Variants in CCBE1 observed in about 807,000 individuals in gnomAD.
CCBE1 encodes the protein collagen and calcium-binding EGF domain-containing protein 1.
In CCBE1, 37 loss-of-function variants were observed where a neutral mutation model predicts 50.0. The observed-to-expected ratio is 0.74, with a 90% CI of 0.57 to 0.97. CCBE1 has a LOEUF of 0.97. CCBE1 is among the 50% of genes least tolerant of loss of function. The pLI, the probability that CCBE1 is intolerant of heterozygous loss-of-function variation, is 0.00. For missense variants in CCBE1, 538 were observed against 523.8 expected (o/e 1.03, Z -0.26); for synonymous variants, 234 against 203.7 (o/e 1.15, Z -1.27).
intron 2 of CCBE1, among the ~76,000 whole-genome samples, chr18:59,598,388 G>A (rs1355783786): frequency 6.6e-6 from 1 of 152,276 alleles, no homozygotes; most frequent in East Asian, 1.9e-4. Flanking sequence ...GTCTGCACCA[G>A]CCACATGTGC....
chr18:59,592,929 A>T (rs1240457811), intron 2 of CCBE1, among the ~76,000 whole-genome samples: 1 of 152,218 alleles, frequency 6.6e-6, no homozygotes, highest in African/African-American at 2.4e-5. Flanking sequence ...AAAAGGAAGG[A>T]AACCTGCAGA....
chr18:59,459,894 G>A (rs1290308417), intron 5 of CCBE1, among the ~76,000 whole-genome samples: 1 of 152,182 alleles, frequency 6.6e-6, no homozygotes, highest in Non-Finnish European at 1.5e-5. Flanking sequence ...GAGAACCGCT[G>A]ATCTATGGAT....
intron 2 of CCBE1, among the ~76,000 whole-genome samples, chr18:59,642,805 C>T (rs1442119798): frequency 6.6e-6 from 1 of 151,844 alleles, no homozygotes; most frequent in Non-Finnish European, 1.5e-5. Flanking sequence ...AAAAATTAGC[C>T]AGGCGTGATG....
intron 7 of CCBE1, among the ~76,000 whole-genome samples, chr18:59,446,313 C>T (rs1910666824): frequency 6.6e-6 from 1 of 152,184 alleles, no homozygotes; most frequent in Non-Finnish European, 1.5e-5. Context: ...GATCTATAGC[C>T]TGGAGTTGAC....
At chr18:59,458,145 CATCT>C (rs1281619298) in intron 5 of CCBE1, among the ~76,000 whole-genome samples, 2 of 129,944 alleles carry the variant, frequency 1.5e-5, no homozygotes, top group East Asian at 3.6e-4. Flanking sequence ...TCCATCCATC[CATCT>C]ATCCATCCAT....
At chr18:59,650,510 T>C (rs2054112940) in intron 2 of CCBE1, among the ~76,000 whole-genome samples, 2 of 151,784 alleles carry the variant, frequency 1.3e-5, no homozygotes, top group Admixed American at 1.3e-4. Flanking sequence ...ATCCTGTTAG[T>C]GTGCGGGATA....
At chr18:59,604,999 C>A (rs939099666) in intron 2 of CCBE1, among the ~76,000 whole-genome samples, 2 of 152,210 alleles carry the variant, frequency 1.3e-5, no homozygotes, top group Non-Finnish European at 2.9e-5. Context: ...CAGTCACTGC[C>A]ACCTACACCG....
At position 59,432,299 on chromosome 18, in the gene CCBE1, C is replaced by T. The variant is rs763576703; in HGVS notation, c.*3609G>A. ...CAACAGCATATTTTTATTCCCATTG[C>T]TTTCCAAGAACAGAGGCAACTTATG... On this transcript the variant is annotated 3_prime_UTR_variant, in exon 11 of 11. Coordinates refer to ENST00000439986, the MANE Select transcript of CCBE1 (RefSeq NM_133459.4). 1 of 152,200 alleles carries T rather than the reference C, an allele frequency of 6.6e-6. No individual in the cohort carries two copies. Among genetic ancestry groups the T allele is most frequent in the South Asian group, 2.1e-4 (1 of 4,814 alleles). The allele number at this position is 152,200 out of a possible 1,614,324, so 9.4% of individuals were successfully genotyped here.
chr18:59,489,915 G>C (rs753502813), intron 2 of CCBE1, among the ~76,000 whole-genome samples: 1 of 151,266 alleles, frequency 6.6e-6, no homozygotes, highest in Non-Finnish European at 1.5e-5. Flanking sequence ...ATTAAAAAAG[G>C]CTTGATATTA....
chr18:59,444,602 G>A (rs1432842010), intron 7 of CCBE1, among the ~76,000 whole-genome samples: 1 of 151,410 alleles, frequency 6.6e-6, no homozygotes, highest in South Asian at 2.1e-4. Flanking sequence ...CTGTAGCCTC[G>A]ACCTCCTGGG....
intron 2 of CCBE1, among the ~76,000 whole-genome samples, chr18:59,525,784 G>T (rs1413568376): frequency 7.2e-5 from 11 of 152,066 alleles, no homozygotes; most frequent in Admixed American, 7.2e-4. Flanking sequence ...TGTAATGAAG[G>T]GGTCCAGTTT....
intron 2 of CCBE1, among the ~76,000 whole-genome samples, chr18:59,684,765 G>C (rs56333642): frequency 0.031 from 4,755 of 152,214 alleles, 226 homozygotes; most frequent in African/African-American, 0.11. Context: ...AGACTGCCTG[G>C]TTTAAGGTCA....
In CCBE1 at chr18:59,466,810, C is replaced by T; in HGVS notation, c.482G>A (p.Cys161Tyr). 1 of 1,613,810 alleles carries T rather than the reference C, an allele frequency of 6.2e-7. No individual in the cohort carries two copies. The highest frequency in any genetic ancestry group is 8.5e-7 in the Non-Finnish European group (1 of 1,179,926). Residue 161 changes from cysteine to tyrosine, a missense_variant, in exon 5 of 11, where the codon TGC becomes TAC. Physicochemically the swap from Cys to Tyr is radical, Grantham distance 194. Transcript: ENST00000439986. Reference sequence around the variant, plus strand: ...ATCTTCCCGGATGTAGCCTTCCCGGCACTCGCAGCGGTAGCTGCCCAAGGT... The same window carrying T: ...ATCTTCCCGGATGTAGCCTTCCCGGTACTCGCAGCGGTAGCTGCCCAAGGT... The part of the protein sequence containing the change: ...INTLGSYRCE[C>Y]REGYIREDDG...
At chr18:59,543,279 T>C (rs777113994) in intron 2 of CCBE1, among the ~76,000 whole-genome samples, 2 of 152,210 alleles carry the variant, frequency 1.3e-5, no homozygotes, top group Admixed American at 6.5e-5. Flanking sequence ...CTAACGAATC[T>C]AGAATTCTGT....
intron 5 of CCBE1, among the ~76,000 whole-genome samples, chr18:59,464,743 GGTCCTCAGCTGTTTGCT>G (rs1198047781): frequency 6.6e-6 from 1 of 152,260 alleles, no homozygotes; most frequent in African/African-American, 2.4e-5. Context: ...AGCGGAAGCT[GGTCCTCAGCTGTTTGCT>G]GTCCTCAGCT....
intron 2 of CCBE1, among the ~76,000 whole-genome samples, chr18:59,612,073 C>T (rs922358295): frequency 2.6e-5 from 4 of 152,252 alleles, no homozygotes; most frequent in South Asian, 2.1e-4. Flanking sequence ...AGGAAGCCTA[C>T]AGCATAGGCC....
intron 2 of CCBE1, among the ~76,000 whole-genome samples, chr18:59,618,240 G>C (rs1029827400): frequency 1.3e-5 from 2 of 151,958 alleles, no homozygotes; most frequent in Non-Finnish European, 2.9e-5. Flanking sequence ...CTTGAGGCAA[G>C]GAAATTGAGA....
In CCBE1 at chr18:59,436,092, C is replaced by G; in HGVS notation, c.1037G>C (p.Arg346Pro). Reference sequence around the variant, plus strand: ...TTCCTGCAGCTCAGTGATGTCATTGCGGATGTCAGCCAGCATAAGTAGCAG... The same window carrying G: ...TTCCTGCAGCTCAGTGATGTCATTGGGGATGTCAGCCAGCATAAGTAGCAG... ...DFLLLMLADI[R>P]NDITELQEKV... Residue 346 changes from arginine (R) to proline (P), a missense_variant, in exon 11 of 11, where the codon CGC becomes CCC. By Grantham distance (103) the Arg-to-Pro change is moderately radical (BLOSUM62 -2). Transcript: ENST00000439986. 1 of 1,614,152 alleles carries G rather than the reference C, an allele frequency of 6.2e-7. No individual in the cohort carries two copies.
intron 2 of CCBE1, among the ~76,000 whole-genome samples, chr18:59,522,650 A>C (rs993468865): frequency 2.0e-5 from 3 of 152,186 alleles, no homozygotes; most frequent in African/African-American, 7.2e-5. Context: ...CCATGAAGAC[A>C]TGGGGAGAAT....
Sources: allele counts gnomAD v4.1 joint callset (sites outside exome capture counted in the v4.1 genomes callset), GRCh38; gene constraint gnomAD v4.1.1; transcripts MANE v1.5; gene names NCBI Gene and HGNC (gene_info 2026-07-23, HGNC 2026-07-21).